The following NHSL1 variants were observed in gnomAD, a reference collection of about 807,000 sequenced individuals.
NHSL1 encodes the protein NHS like 1, also known as NHS-like protein 1.
NHSL1 carries 48 observed loss-of-function variants against 95.0 expected under a neutral mutation model. The ratio of observed to expected loss-of-function variants is 0.51; its 90% CI spans 0.40 to 0.64. The LOEUF is 0.64. Ranked by LOEUF, NHSL1 falls within the 30% of genes least tolerant of loss-of-function variation. NHSL1 has a pLI of 0.00. For synonymous variants in NHSL1, 783 were observed against 833.9 expected, an observed-to-expected ratio of 0.94 and a Z score of 1.05; for missense variants, 1,971 against 2,077.7, an observed-to-expected ratio of 0.95 and a Z score of 1.00.
chr6:138,569,142 C>A (rs1783725733), intron 1 of NHSL1, among the ~76,000 whole-genome samples: 1 of 152,096 alleles, frequency 6.6e-6, no homozygotes, highest in African/African-American at 2.4e-5. Context: ...GAACCGGACC[C>A]CCGCCAACCA....
intron 1 of NHSL1, among the ~76,000 whole-genome samples, chr6:138,560,947 A>G (rs1193192088): frequency 6.6e-6 from 1 of 152,240 alleles, no homozygotes; most frequent in Admixed American, 6.5e-5. Flanking sequence ...AGTCAAGTTT[A>G]TGGAAAAGAC....
At chr6:138,585,139 G>A (rs894933396) in intron 1 of NHSL1, among the ~76,000 whole-genome samples, 3 of 152,234 alleles carry the variant, frequency 2.0e-5, no homozygotes, top group Non-Finnish European at 2.9e-5. Flanking sequence ...AGCAGTCCTT[G>A]AAATAGATGT....
At position 138,473,415 on chromosome 6, in the gene NHSL1, T is replaced by C; in HGVS notation, c.230A>G (p.His77Arg). The C allele has an allele frequency of 9.3e-6, 14 of 1,510,088 alleles. No homozygotes were observed. Among genetic ancestry groups the C allele is most frequent in the Non-Finnish European group, 1.2e-5 (13 of 1,126,200 alleles). The allele number at this position is 1,510,088 out of a possible 1,614,324, so 93.5% of individuals were successfully genotyped here. Residue 77 changes from histidine (H) to arginine (R), a missense_variant, in exon 3 of 8, where the codon CAT (histidine) becomes CGT (arginine). Coordinates refer to ENST00000343505, the MANE Select transcript of NHSL1 (RefSeq NM_001144060.2). ...GTACTGAGAACTGCGGTAGCCATCATGCCGCAACTTATCGCATTCTGCAGA... is the reference window on the plus strand; with the variant it reads ...GTACTGAGAACTGCGGTAGCCATCACGCCGCAACTTATCGCATTCTGCAGA... ...SVLRECDKLR[H>R]DGYRSSQYYS...
At chr6:138,639,455 G>A (rs1002374816) in intron 1 of NHSL1, among the ~76,000 whole-genome samples, 33 of 151,842 alleles carry the variant, frequency 2.2e-4, no homozygotes, top group Admixed American at 1.8e-3. Flanking sequence ...TGGCTAGCAC[G>A]GTGAAACCCC....
At chr6:138,621,079 C>T (rs1562394102) in intron 1 of NHSL1, among the ~76,000 whole-genome samples, 3 of 152,192 alleles carry the variant, frequency 2.0e-5, no homozygotes, top group Admixed American at 6.5e-5. Context: ...CACCACCATG[C>T]TTGCTTGGCT....
chr6:138,675,943 T>C (rs1362704654), intron 1 of NHSL1, among the ~76,000 whole-genome samples: 2 of 152,208 alleles, frequency 1.3e-5, no homozygotes, highest in African/African-American at 4.8e-5. Context: ...TTTGGAAATA[T>C]GGTTTTTAGG....
intron 3 of NHSL1, among the ~76,000 whole-genome samples, chr6:138,455,601 A>C (rs1314494129): frequency 6.6e-6 from 1 of 151,850 alleles, no homozygotes; most frequent in Admixed American, 6.6e-5. Flanking sequence ...TGTGATCTTG[A>C]GAAAGCCATT....
chr6:138,614,541 AC>A (rs1192176868), intron 1 of NHSL1, among the ~76,000 whole-genome samples: 2 of 152,220 alleles, frequency 1.3e-5, no homozygotes, highest in Admixed American at 1.3e-4. Context: ...TAAGTAAGTT[AC>A]CCACTGAATC....
At chr6:138,675,280 C>A (rs1472159729) in intron 1 of NHSL1, among the ~76,000 whole-genome samples, 1 of 151,980 alleles carries the variant, frequency 6.6e-6, no homozygotes. Flanking sequence ...GCCAAAGCAC[C>A]CTAGAAACTA....
Position 138,433,013 on chromosome 6 carries a change from T to G in NHSL1, c.1332A>C (p.Ser444=), listed in dbSNP as rs918758377. ...GGTCTCTGGATTTTATCCTTGCATGTGATGAGCCAGAACTTTTACTTTCCC... is the reference window on the plus strand; with the variant it reads ...GGTCTCTGGATTTTATCCTTGCATGGGATGAGCCAGAACTTTTACTTTCCC... The part of the protein sequence containing the change: ...GQRESKSSGS[S]HARIKSRDHL... Residue 444 remains serine (S), a synonymous_variant, in exon 6 of 8, where the codon TCA becomes TCC. Coordinates refer to ENST00000343505, the MANE Select transcript of NHSL1 (RefSeq NM_001144060.2). 5 of 1,551,494 alleles carry G rather than the reference T, an allele frequency of 3.2e-6. No individual in the cohort carries two copies. The highest frequency in any genetic ancestry group is 4.4e-6 in the Non-Finnish European group (5 of 1,147,000).
At chr6:138,473,719 C>G (rs1044034697) in intron 2 of NHSL1, among the ~76,000 whole-genome samples, 1 of 152,004 alleles carries the variant, frequency 6.6e-6, no homozygotes, top group African/African-American at 2.4e-5. Flanking sequence ...CTACTTTACT[C>G]ACAGGACATT....
At chr6:138,518,287 G>A (rs1029549338) in intron 1 of NHSL1, among the ~76,000 whole-genome samples, 1 of 152,080 alleles carries the variant, frequency 6.6e-6, no homozygotes, top group Non-Finnish European at 1.5e-5. Context: ...AATTCACCCA[G>A]TAGCATTTAA....
intron 1 of NHSL1, among the ~76,000 whole-genome samples, chr6:138,567,746 T>G (rs975964210): frequency 2.0e-5 from 3 of 152,178 alleles, no homozygotes; most frequent in African/African-American, 7.2e-5. Flanking sequence ...TCTGGCCATT[T>G]TTGTAGTGGC....
intron 1 of NHSL1, among the ~76,000 whole-genome samples, chr6:138,669,150 A>G (rs1276180666): frequency 6.6e-6 from 1 of 152,102 alleles, no homozygotes; most frequent in Non-Finnish European, 1.5e-5. Context: ...TCTGCTTGAG[A>G]AGATAGGAAA....
intron 1 of NHSL1, among the ~76,000 whole-genome samples, chr6:138,542,772 C>G (rs1583385728): frequency 6.6e-6 from 1 of 152,248 alleles, no homozygotes; most frequent in Admixed American, 6.5e-5. Context: ...ATTCTTTAAA[C>G]ATTTTTTTCG....
At chr6:138,509,564 C>T (rs1329078591) in intron 1 of NHSL1, among the ~76,000 whole-genome samples, 1 of 152,110 alleles carries the variant, frequency 6.6e-6, no homozygotes, top group Non-Finnish European at 1.5e-5. Flanking sequence ...AGTAGAAGGT[C>T]GCCACCTACA....
intron 1 of NHSL1, among the ~76,000 whole-genome samples, chr6:138,599,897 T>C (rs1784349842): frequency 6.6e-6 from 1 of 152,116 alleles, no homozygotes; most frequent in Admixed American, 6.5e-5. Context: ...ATCCCAGCAC[T>C]TTGAGAGGCC....
chr6:138,578,247 C>G (rs1029325542), intron 1 of NHSL1, among the ~76,000 whole-genome samples: 1 of 152,186 alleles, frequency 6.6e-6, no homozygotes. Context: ...CTGAAAAGGG[C>G]GAACAGATCT....
chr6:138,515,104 G>A (rs1194001127), intron 1 of NHSL1, among the ~76,000 whole-genome samples: 1 of 152,166 alleles, frequency 6.6e-6, no homozygotes, highest in Non-Finnish European at 1.5e-5. Context: ...GATGGGGCAG[G>A]AGGGTGAGAG....
Sources: gnomAD v4.1 joint callset for allele counts (sites outside exome capture counted in the v4.1 genomes callset) on GRCh38, gnomAD v4.1.1 for gene constraint, MANE v1.5 for transcripts, NCBI Gene and HGNC (gene_info 2026-07-23, HGNC 2026-07-21) for gene names.